The following CDCA5 variants were observed in gnomAD, a reference collection of about 807,000 sequenced individuals.
CDCA5 encodes the protein sororin.
A neutral mutation model predicts 25.7 loss-of-function variants in CDCA5; 14 were observed. The observed-to-expected ratio is 0.54, with a 90% CI of 0.36 to 0.85. The LOEUF is 0.85. CDCA5 is among the 40% of genes least tolerant of loss of function. The pLI is 0.01. For missense variants in CDCA5, 307 were observed against 324.5 expected (o/e 0.95, Z 0.41); for synonymous variants, 127 against 128.7 (o/e 0.99, Z 0.09).
At chr11:65,065,165 A>T (rs896831111), downstream of CDCA5, among the ~76,000 whole-genome samples, 2 of 152,240 alleles carry the variant, frequency 1.3e-5, no homozygotes. Flanking sequence ...ACCATCCATT[A>T]GACCTAGATG....
rs968604550 is a variant in CDCA5 at position 65,078,982 on chromosome 11, C to T, written c.*125G>A. On this transcript the variant is annotated 3_prime_UTR_variant, in exon 6 of 6. Transcript: ENST00000275517. ...CCCTCAAAGGCAGACAGTCCTCATG[C>T]GCAGCACCAGCACACACACAGGTAA... 4 of 1,318,262 alleles carry T rather than the reference C, an allele frequency of 3.0e-6. No homozygotes were observed. The highest frequency in any genetic ancestry group is 3.5e-5 in the Admixed American group (1 of 28,764). The allele number at this position is 1,318,262 out of a possible 1,614,324, so 81.7% of individuals were successfully genotyped here.
At chr11:65,073,173 G>A (rs981631445), downstream of CDCA5, among the ~76,000 whole-genome samples, 1 of 151,976 alleles carries the variant, frequency 6.6e-6, no homozygotes, top group African/African-American at 2.4e-5. Flanking sequence ...TTGAACTCCT[G>A]ACCTCAAGTA....
At chr11:65,071,528 T>C (rs1565272489) in intron 1 of CDCA5, among the ~76,000 whole-genome samples, 1 of 152,116 alleles carries the variant, frequency 6.6e-6, no homozygotes, top group Non-Finnish European at 1.5e-5. Flanking sequence ...TTGGTCAGGC[T>C]GGTCTCGAAC....
At chr11:65,071,942 C>T (rs4930696) in intron 1 of CDCA5, among the ~76,000 whole-genome samples, 1,643 of 152,294 alleles carry the variant, frequency 0.011, 23 homozygotes, top group Non-Finnish European at 0.014. Flanking sequence ...AGCCTCCTAG[C>T]CTGTGAAATG....
rs1403537846 is a variant in CDCA5 at position 65,083,679 on chromosome 11, G to A, written c.91C>T (p.Arg31Trp). Residue 31 changes from arginine (R) to tryptophan (W), a missense_variant, in exon 2 of 6, where the codon CGG (arginine) becomes TGG (tryptophan). Physicochemically the swap from Arg to Trp is moderately radical, Grantham distance 101 (BLOSUM62 -3). Coordinates refer to ENST00000275517, the MANE Select transcript of CDCA5 (RefSeq NM_080668.4). ...CTCGGGAGTTCAGAGCCTGATTTCC[G>A]CTGGGACCTCCGCAGAGGCTTAGTA... ...SPTKPLRRSQ[R>W]KSGSELPSIL... 9 of 1,614,176 alleles carry A rather than the reference G, an allele frequency of 5.6e-6. No homozygotes were observed. Among genetic ancestry groups the A allele is most frequent in the Admixed American group, 1.7e-5 (1 of 60,022 alleles).
Position 65,079,035 on chromosome 11 carries a change from T to G in CDCA5, c.*72A>C. The G allele has an allele frequency of 7.0e-7, 1 of 1,420,822 alleles. No homozygotes were observed. The highest frequency in any genetic ancestry group is 9.2e-7 in the Non-Finnish European group (1 of 1,085,998). The allele number at this position is 1,420,822 out of a possible 1,614,324, so 88.0% of individuals were successfully genotyped here. A position where few individuals can be genotyped will look rare whatever the true frequency, so the allele number is the denominator to read the frequency against. On this transcript the variant is annotated 3_prime_UTR_variant, in exon 6 of 6. Coordinates refer to ENST00000275517, the MANE Select transcript of CDCA5 (RefSeq NM_080668.4). ...AGACCAGGGGAGGGGACCCTAAGTG[T>G]CCTCTCCACAGGGAGGTGGCTATGT...
rs1046479823 is a variant in CDCA5, at chr11:65,067,716, C to T, written c.307G>A (p.Glu103Lys). 2.3e-6 allele frequency: 3 copies of T among 1,289,654 alleles called. No homozygotes were observed. The African/African-American group carries it at 4.6e-5, about 20-fold the overall frequency. 79.9% of individuals were successfully genotyped at this position (1,289,654 alleles called of 1,614,324 possible). ...GAGGTCCGCTGGGGGCCCCAGTCCTCCTGATCTAAGAACTGGTACTCCTGG... is the reference window on the plus strand; with the variant it reads ...GAGGTCCGCTGGGGGCCCCAGTCCTTCTGATCTAAGAACTGGTACTCCTGG... The change falls in exon 4 of 7, where the codon GAG becomes AAG. Residue 103 changes from glutamate (E) to lysine (K), a missense_variant. Coordinates refer to the CDCA5 transcript ENST00000525464.
chr11:65,075,098 G>A (rs1271662129), downstream of CDCA5, among the ~76,000 whole-genome samples: 1 of 148,426 alleles, frequency 6.7e-6, no homozygotes, highest in Non-Finnish European at 1.5e-5. Flanking sequence ...TTAAGGAGGG[G>A]AGAAATAGGC....
intron 1 of CDCA5, among the ~76,000 whole-genome samples, chr11:65,071,748 T>A (rs1399648705): frequency 1.3e-5 from 2 of 152,232 alleles, no homozygotes; most frequent in African/African-American, 4.8e-5. Flanking sequence ...GCTCCACGGT[T>A]ACCAGTTGGT....
At chr11:65,066,853 T>C in exon 5 of CDCA5, 1 of 1,289,268 alleles carries the variant, frequency 7.8e-7, no homozygotes, top group Non-Finnish European at 1.0e-6. Flanking sequence ...GTTGTGCACT[T>C]GGGTGGTGTT....
chr11:65,077,383 G>T, downstream of CDCA5: 1 of 846,700 alleles, frequency 1.2e-6, no homozygotes, highest in Non-Finnish European at 1.4e-6. Flanking sequence ...CAACCCCAGT[G>T]ATGCAGCCCA....
chr11:65,079,743 C>A lies in CDCA5; in HGVS notation c.288G>T (p.Glu96Asp). ...LEKENEPPGRELTKEDLFKTH... is the reference protein window; with the variant it reads ...LEKENEPPGRDLTKEDLFKTH... Reference sequence around the variant, plus strand: ...TCTTGAAAAGGTCCTCCTTAGTAAGCTCCCTGCCAGGGGGCTCGTTTTCTT... The same window carrying A: ...TCTTGAAAAGGTCCTCCTTAGTAAGATCCCTGCCAGGGGGCTCGTTTTCTT... The change falls in exon 5 of 6, where the codon GAG becomes GAT. Residue 96 changes from glutamate to aspartate, a missense_variant. Coordinates refer to ENST00000275517, the MANE Select transcript of CDCA5 (RefSeq NM_080668.4). 6.7e-7 allele frequency: 1 copy of A among 1,502,250 alleles called. No homozygotes were observed. Among genetic ancestry groups the A allele is most frequent in the African/African-American group, 1.4e-5 (1 of 71,208 alleles). 93.1% of individuals were successfully genotyped at this position (1,502,250 alleles called of 1,614,324 possible). A position where few individuals can be genotyped will look rare whatever the true frequency, so the allele number is the denominator to read the frequency against.
Position 65,078,777 on chromosome 11 carries a change from G to T in CDCA5, c.*330C>A. ...GAGGTGCCTCTCACCTCAACCCTCA[G>T]CCCTTTAACTTCTGGCTGGGCCACT... On this transcript the variant is annotated 3_prime_UTR_variant, in exon 6 of 6. Coordinates refer to ENST00000275517, the MANE Select transcript of CDCA5 (RefSeq NM_080668.4). The T allele has an allele frequency of 9.3e-7, 1 of 1,079,712 alleles. No homozygotes were observed. The highest frequency in any genetic ancestry group is 1.1e-6 in the Non-Finnish European group (1 of 891,238). The allele number at this position is 1,079,712 out of a possible 1,614,324, so 66.9% of individuals were successfully genotyped here.
At position 65,078,962 on chromosome 11, in the gene CDCA5, A is replaced by T; in HGVS notation, c.*145T>A. 7.9e-7 allele frequency: 1 copy of T among 1,272,630 alleles called. No individual in the cohort carries two copies. Among genetic ancestry groups the T allele is most frequent in the Non-Finnish European group, 9.9e-7 (1 of 1,011,220 alleles). The allele number at this position is 1,272,630 out of a possible 1,614,324, so 78.8% of individuals were successfully genotyped here. Reference sequence around the variant, plus strand: ...GGCTGCCGCTGCTGCCCAAGCCCTCAAAGGCAGACAGTCCTCATGCGCAGC... The same window carrying T: ...GGCTGCCGCTGCTGCCCAAGCCCTCTAAGGCAGACAGTCCTCATGCGCAGC... On this transcript the variant is annotated 3_prime_UTR_variant, in exon 6 of 6. Coordinates refer to ENST00000275517, the MANE Select transcript of CDCA5 (RefSeq NM_080668.4).
At chr11:65,073,718 C>A (rs1947386021), downstream of CDCA5, among the ~76,000 whole-genome samples, 1 of 151,992 alleles carries the variant, frequency 6.6e-6, no homozygotes, top group African/African-American at 2.4e-5. Flanking sequence ...CTGATTTGAG[C>A]AAAAAGGAGT....
Position 65,079,520 on chromosome 11 carries a change from G to A in CDCA5, c.511C>T (p.Leu171=). ...GRRSCFGFEG[L]LGAEDLSGVS... ...CCGGACAAGTCTTCTGCCCCCAGCA[G>A]CCCCTCGAAGCCAAAGCAGGACCGG... The change falls in exon 5 of 6, where the codon CTG becomes TTG. Residue 171 remains leucine, a synonymous_variant. Coordinates refer to ENST00000275517, the MANE Select transcript of CDCA5 (RefSeq NM_080668.4). 1 of 1,614,152 alleles carries A rather than the reference G, an allele frequency of 6.2e-7. No individual in the cohort carries two copies. Among genetic ancestry groups the A allele is most frequent in the East Asian group, 2.2e-5 (1 of 44,886 alleles).
At chr11:65,071,738 G>T (rs527795604) in intron 1 of CDCA5, among the ~76,000 whole-genome samples, 1 of 152,222 alleles carries the variant, frequency 6.6e-6, no homozygotes, top group African/African-American at 2.4e-5. Flanking sequence ...GGCATGAAAA[G>T]CTCCACGGTT....
chr11:65,071,792 A>C (rs1235070829), intron 1 of CDCA5, among the ~76,000 whole-genome samples: 1 of 152,220 alleles, frequency 6.6e-6, no homozygotes, highest in East Asian at 1.9e-4. Context: ...ACAGACAGAC[A>C]GGACTGGGGT....
downstream of CDCA5, among the ~76,000 whole-genome samples, chr11:65,064,835 A>G (rs1254172984): frequency 6.6e-6 from 1 of 152,178 alleles, no homozygotes; most frequent in Non-Finnish European, 1.5e-5. Context: ...AGCCTGAGTA[A>G]TATAGCAAGA....
Sources: gnomAD v4.1 joint callset for allele counts (sites outside exome capture counted in the v4.1 genomes callset) on GRCh38, gnomAD v4.1.1 for gene constraint, MANE v1.5 for transcripts, NCBI Gene and HGNC (gene_info 2026-07-23, HGNC 2026-07-21) for gene names.